The following CNTNAP4 variants were observed in gnomAD, a reference collection of about 807,000 sequenced individuals.
The protein encoded by CNTNAP4 is contactin associated protein family member 4.
CNTNAP4 carries 98 observed loss-of-function variants against 148.4 expected under a neutral mutation model. The observed-to-expected ratio is 0.66, with a 90% CI of 0.56 to 0.78. CNTNAP4 has a LOEUF of 0.78. Among genes scored for constraint, CNTNAP4 ranks in the 30% least tolerant of loss-of-function variants. The probability of loss-of-function intolerance (pLI) is 0.00; values close to 1 mark genes in which losing one functional copy is unlikely to be tolerated. For missense variants in CNTNAP4, 1,935 were observed against 1,565.6 expected (o/e 1.24, Z -3.98); for synonymous variants, 730 against 565.1 (o/e 1.29, Z -4.14).
chr16:76,309,846 T>A, intron 1 of CNTNAP4: 1 of 700,910 alleles, frequency 1.4e-6, no homozygotes, highest in Non-Finnish European at 2.6e-6. Context: ...CCGCTTTTGC[T>A]GCTTCCTCAT....
At chr16:76,488,166 T>C (rs1287875884) in intron 12 of CNTNAP4, among the ~76,000 whole-genome samples, 1 of 152,220 alleles carries the variant, frequency 6.6e-6, no homozygotes, top group African/African-American at 2.4e-5. Context: ...GACCTCGTTC[T>C]GCCAATTTAA....
chr16:76,282,474 C>A (rs1958724376), intron 1 of CNTNAP4, among the ~76,000 whole-genome samples: 1 of 151,784 alleles, frequency 6.6e-6, no homozygotes, highest in Non-Finnish European at 1.5e-5. Context: ...ATAAAATATT[C>A]CACTCTATCT....
chr16:76,307,765 T>G (rs1960652513), intron 1 of CNTNAP4, among the ~76,000 whole-genome samples: 1 of 152,158 alleles, frequency 6.6e-6, no homozygotes, highest in Non-Finnish European at 1.5e-5. Flanking sequence ...GGACTTTAAA[T>G]AGTTGCTATT....
intron 3 of CNTNAP4, among the ~76,000 whole-genome samples, chr16:76,408,965 A>G (rs79024458): frequency 0.012 from 1,843 of 152,124 alleles, 20 homozygotes; most frequent in African/African-American, 0.036. Flanking sequence ...TTACAGAGCC[A>G]TGGTTTTCAA....
At chr16:76,294,586 C>G (rs965714716) in intron 1 of CNTNAP4, among the ~76,000 whole-genome samples, 1 of 152,142 alleles carries the variant, frequency 6.6e-6, no homozygotes, top group Non-Finnish European at 1.5e-5. Context: ...TAAAAAATTT[C>G]TTAGTAAAAT....
At chr16:76,546,971 C>A (rs2084766151) in intron 21 of CNTNAP4, among the ~76,000 whole-genome samples, 3 of 152,158 alleles carry the variant, frequency 2.0e-5, no homozygotes, top group African/African-American at 4.8e-5. Context: ...CACTATAGTT[C>A]ATCCTCATTT....
chr16:76,334,621 T>G (rs993390715), intron 2 of CNTNAP4, among the ~76,000 whole-genome samples: 2 of 152,198 alleles, frequency 1.3e-5, no homozygotes, highest in Non-Finnish European at 2.9e-5. Context: ...GAACTACATA[T>G]GTACAAAGTT....
chr16:76,317,471 C>G (rs748348506), intron 2 of CNTNAP4, among the ~76,000 whole-genome samples: 4 of 152,124 alleles, frequency 2.6e-5, no homozygotes, highest in Non-Finnish European at 5.9e-5. Flanking sequence ...TCATAACATA[C>G]TAAGGTAAAA....
At chr16:76,440,584 G>T (rs12931657) in intron 4 of CNTNAP4, among the ~76,000 whole-genome samples, 1 of 151,866 alleles carries the variant, frequency 6.6e-6, no homozygotes, top group Non-Finnish European at 1.5e-5. Context: ...TCAGAGAATA[G>T]GTTTATGGAA....
At chr16:76,453,953 G>T (rs1168044697) in intron 8 of CNTNAP4, among the ~76,000 whole-genome samples, 3 of 151,012 alleles carry the variant, frequency 2.0e-5, no homozygotes, top group Non-Finnish European at 4.4e-5. Flanking sequence ...GAAAATGAAG[G>T]TCTAAAAATG....
In CNTNAP4 at chr16:76,560,407, C is replaced by A. The variant is rs34956458; in HGVS notation, c.*1724C>A. Among the ~76,000 whole-genome samples, 35,780 of 152,030 alleles carry A rather than the reference C, an allele frequency of 0.24. 4,373 individuals are homozygous for A. The highest frequency in any genetic ancestry group is 0.28 in the Non-Finnish European group (18,822 of 67,950). The stretch of plus-strand genomic sequence containing the variant: ...ATAGTAGTTTACGAAGGACTAAGGA[C>A]CTATGTTGGTAGATGGTATACTCTT... On this transcript the variant is annotated 3_prime_UTR_variant, in exon 24 of 24. Coordinates refer to ENST00000611870, the MANE Select transcript of CNTNAP4 (RefSeq NM_033401.5).
intron 3 of CNTNAP4, among the ~76,000 whole-genome samples, chr16:76,370,232 A>G (rs913724784): frequency 1.4e-5 from 2 of 146,074 alleles, no homozygotes; most frequent in Non-Finnish European, 1.5e-5. Flanking sequence ...ATCCATATAT[A>G]TAGCTGTGTG....
chr16:76,558,661 ATCAGAAAGAGTACTTCT>A lies in CNTNAP4; in HGVS notation c.3908_3924del (p.Gln1303LeufsTer9). On this transcript the variant is annotated frameshift_variant, in exon 24 of 24. Coordinates refer to ENST00000611870, the MANE Select transcript of CNTNAP4 (RefSeq NM_033401.5). LOFTEE classifies it high-confidence loss of function. Reference sequence around the variant, plus strand: ...AATATACAAAATGCAGTCAATGAAAATCAGAAAGAGTACTTCTTCTGATTGGCAGCTATGATTTAACA... The same window carrying A: ...AATATACAAAATGCAGTCAATGAAAATCTGATTGGCAGCTATGATTTAACA... 1.2e-6 allele frequency: 2 copies of A among 1,609,420 alleles called. No homozygotes were observed. The highest frequency in any genetic ancestry group is 2.7e-5 in the African/African-American group (2 of 74,904).
At chr16:76,406,699 A>C (rs1376137923) in intron 3 of CNTNAP4, among the ~76,000 whole-genome samples, 1 of 152,204 alleles carries the variant, frequency 6.6e-6, no homozygotes, top group African/African-American at 2.4e-5. Flanking sequence ...TAGAAGATCA[A>C]ATCAGCCACT....
At chr16:76,297,770 C>A (rs932512663) in intron 1 of CNTNAP4, among the ~76,000 whole-genome samples, 1 of 152,170 alleles carries the variant, frequency 6.6e-6, no homozygotes, top group African/African-American at 2.4e-5. Flanking sequence ...TATCCAAGAA[C>A]TTCAGATAAC....
At chr16:76,475,193 C>G (rs779391804) in intron 10 of CNTNAP4, among the ~76,000 whole-genome samples, 2 of 152,048 alleles carry the variant, frequency 1.3e-5, no homozygotes, top group African/African-American at 4.8e-5. Flanking sequence ...AAAAATGAGA[C>G]TCCAGTAGCC....
At chr16:76,358,765 A>G (rs1424598906) in intron 3 of CNTNAP4, among the ~76,000 whole-genome samples, 1 of 152,236 alleles carries the variant, frequency 6.6e-6, no homozygotes, top group Non-Finnish European at 1.5e-5. Flanking sequence ...TTAGTACAAT[A>G]GACACCATTA....
chr16:76,494,764 C>A, intron 13 of CNTNAP4, 146 bp from the exon 14 acceptor site: 2 of 787,194 alleles, frequency 2.5e-6, no homozygotes, highest in Non-Finnish European at 3.9e-6. Flanking sequence ...AGCAATCATA[C>A]TGTTTTGCAT....
At position 76,505,236 on chromosome 16, in the gene CNTNAP4, G is replaced by GCTCC. The variant is rs149002915; in HGVS notation, c.2365+6542_2365+6543insCTCC. The stretch of plus-strand genomic sequence containing the variant: ...TCAAATGTTTATCAACTAGTGAAAG[G>GCTCC]ATACACGTTCCATTTTACTGTGGTG... On this transcript the variant is annotated intron_variant, in intron 15 of 23. Coordinates refer to ENST00000611870, the MANE Select transcript of CNTNAP4 (RefSeq NM_033401.5). 1.3e-4 allele frequency among the ~76,000 whole-genome samples: 13 copies of GCTCC among 100,404 alleles called. 1 individual carries two copies. The highest frequency in any genetic ancestry group is 2.0e-4 in the Non-Finnish European group (7 of 35,006). The allele number at this position is 100,404 out of a possible 152,430, so 65.9% of individuals were successfully genotyped here. A position where few individuals can be genotyped will look rare whatever the true frequency, so the allele number is the denominator to read the frequency against.
Sources: gnomAD v4.1 joint callset for allele counts (sites outside exome capture counted in the v4.1 genomes callset) on GRCh38, gnomAD v4.1.1 for gene constraint, MANE v1.5 for transcripts, NCBI Gene and HGNC (gene_info 2026-07-23, HGNC 2026-07-21) for gene names.